The following NECAP2 variants were observed in gnomAD, a reference collection of about 807,000 sequenced individuals.
NECAP2 encodes the protein NECAP endocytosis associated 2, also known as adaptin ear-binding coat-associated protein 2.
In NECAP2, 38 loss-of-function variants were observed where a neutral mutation model predicts 37.8. The observed-to-expected ratio is 1.01, with a 90% CI of 0.78 to 1.32. The LOEUF is 1.32. Ranked by LOEUF, NECAP2 falls within the 40% of genes most tolerant of loss-of-function variation. The pLI, the probability that NECAP2 is intolerant of heterozygous loss-of-function variation, is 0.00. For missense variants in NECAP2, 316 were observed against 334.5 expected (o/e 0.94, Z 0.43); for synonymous variants, 121 against 127.7 (o/e 0.95, Z 0.35).
In NECAP2 at chr1:16,459,187, G is replaced by C. The variant is rs1320469724; in HGVS notation, c.*297G>C. On this transcript the variant is annotated 3_prime_UTR_variant, in exon 8 of 8. Coordinates refer to ENST00000337132, the MANE Select transcript of NECAP2 (RefSeq NM_018090.5). ...ACTCTGAGACTTCTTCCATCGCAAT[G>C]ACCTGTATTAAACACAAGCCCCCCA... is the stretch of plus-strand genomic sequence containing the variant. 9 of 545,618 alleles carry C rather than the reference G, an allele frequency of 1.6e-5. No individual in the cohort carries two copies. Among genetic ancestry groups the C allele is most frequent in the Non-Finnish European group, 2.9e-5 (9 of 314,050 alleles). 33.8% of individuals were successfully genotyped at this position (545,618 alleles called of 1,614,324 possible). A position where few individuals can be genotyped will look rare whatever the true frequency, so the allele number is the denominator to read the frequency against.
intron 7 of NECAP2, among the ~76,000 whole-genome samples, chr1:16,457,706 T>TG (rs1336250251): frequency 2.3e-4 from 33 of 142,738 alleles, no homozygotes; most frequent in African/African-American, 7.4e-4. Context: ...ATAGTAATTC[T>TG]GTTTTTTTTT....
intron 5 of NECAP2, 26 bp from the exon 6 acceptor site, chr1:16,451,812 G>A (rs370346062): frequency 1.2e-6 from 2 of 1,613,862 alleles, no homozygotes; most frequent in Middle Eastern, 1.7e-4. Flanking sequence ...AGAACGGGCT[G>A]ATTTGCATTC....
At chr1:16,449,433 C>T (rs1274099279) in intron 5 of NECAP2, 10 of 487,532 alleles carry the variant, frequency 2.1e-5, no homozygotes, top group Non-Finnish European at 3.6e-5. Context: ...AGGAAAGGTT[C>T]CATGACTAAG....
intron 4 of NECAP2, 193 bp downstream of exon 4, chr1:16,448,334 G>C: frequency 1.6e-6 from 1 of 626,480 alleles, no homozygotes; most frequent in Non-Finnish European, 2.8e-6. Flanking sequence ...TTTACCTGAG[G>C]CTCATCTCTA....
intron 1 of NECAP2, 49 bp downstream of exon 1, chr1:16,440,902 C>A: frequency 6.5e-7 from 1 of 1,527,032 alleles, no homozygotes; most frequent in Non-Finnish European, 9.1e-7. Flanking sequence ...ACCCTTTCTC[C>A]GCCACCCGGA....
At position 16,440,728 on chromosome 1, in the gene NECAP2, G is replaced by A. The variant is rs1477896740; in HGVS notation, c.-34G>A. On this transcript the variant is annotated 5_prime_UTR_variant, in exon 1 of 8. Coordinates refer to ENST00000337132, the MANE Select transcript of NECAP2 (RefSeq NM_018090.5). The stretch of plus-strand genomic sequence containing the variant: ...TCCGTCGGACAGAGGAACGGTGGAA[G>A]TCGCCGGAAGTTCGGTGGGCTCCAG... 2.5e-6 allele frequency: 4 copies of A among 1,591,602 alleles called. No homozygotes were observed. The Admixed American group carries it at 6.7e-5, about 27-fold the overall frequency.
Position 16,452,119 on chromosome 1 carries a change from A to C in NECAP2, c.667+104A>C, listed in dbSNP as rs764662812. ...CCCCCGTTACACACATGGATTGGTC[A>C]TGTAGTACCTGTCCGTGTCAAAGAA... On this transcript the variant is annotated intron_variant, in intron 6 of 7. Transcript: ENST00000337132. 107 of 1,157,810 alleles carry C rather than the reference A, an allele frequency of 9.2e-5. 1 individual carries two copies. The highest frequency in any genetic ancestry group is 2.0e-5 in the Non-Finnish European group (16 of 818,864). 71.7% of individuals were successfully genotyped at this position (1,157,810 alleles called of 1,614,324 possible).
intron 6 of NECAP2, among the ~76,000 whole-genome samples, chr1:16,453,212 T>C (rs186370744): frequency 1.1e-4 from 16 of 151,666 alleles, no homozygotes; most frequent in Non-Finnish European, 2.1e-4. Context: ...TGGGTTCAAG[T>C]GATTCTCCTG....
intron 1 of NECAP2, chr1:16,441,444 C>G (rs1161892687): frequency 6.6e-6 from 1 of 152,496 alleles, no homozygotes; most frequent in Admixed American, 6.5e-5. Flanking sequence ...CGCTTGTAAA[C>G]ATACTGAGTA....
At chr1:16,443,391 T>C (rs1013736091) in intron 1 of NECAP2, among the ~76,000 whole-genome samples, 2 of 152,218 alleles carry the variant, frequency 1.3e-5, no homozygotes, top group Non-Finnish European at 2.9e-5. Context: ...CAGTAGAAAA[T>C]AGTTAAGATA....
chr1:16,443,580 G>A (rs2086719332), intron 1 of NECAP2, 52 bp from the exon 2 acceptor site: 3 of 1,369,268 alleles, frequency 2.2e-6, no homozygotes, highest in Non-Finnish European at 3.1e-6. Flanking sequence ...CCAGCATTGG[G>A]GTCACACAGC....
At position 16,459,107 on chromosome 1, in the gene NECAP2, G is replaced by A; in HGVS notation, c.*217G>A. On this transcript the variant is annotated 3_prime_UTR_variant, in exon 8 of 8. Coordinates refer to ENST00000337132, the MANE Select transcript of NECAP2 (RefSeq NM_018090.5). ...GATTCAAGTATGCAACCAGAACACA[G>A]GAGAAGAAAAGCTCCAGGATCCCTG... 9.0e-7 allele frequency: 1 copy of A among 1,106,496 alleles called. No homozygotes were observed. The highest frequency in any genetic ancestry group is 1.7e-5 in the South Asian group (1 of 60,048). 68.5% of individuals were successfully genotyped at this position (1,106,496 alleles called of 1,614,324 possible). A position where few individuals can be genotyped will look rare whatever the true frequency, so the allele number is the denominator to read the frequency against.
intron 6 of NECAP2, among the ~76,000 whole-genome samples, chr1:16,453,902 T>C (rs1053806552): frequency 6.6e-6 from 1 of 152,166 alleles, no homozygotes; most frequent in Non-Finnish European, 1.5e-5. Context: ...AAGGGCTTGT[T>C]TTCTGGTGTC....
chr1:16,453,458 C>T (rs958479383), intron 6 of NECAP2, among the ~76,000 whole-genome samples: 5 of 151,988 alleles, frequency 3.3e-5, no homozygotes, highest in Admixed American at 2.0e-4. Flanking sequence ...GAGCTACTAC[C>T]TTAGGCCTTC....
rs199627365 is a variant in NECAP2, at chr1:16,440,781, A to C, written c.20A>C (p.Glu7Ala). ...GTCGCGATGGAGGAGAGCGGGTACG[A>C]GTCGGTGCTCTGTGTCAAGCCTGAC... MEESGY[E>A]SVLCVKPDVH... Residue 7 changes from glutamate (E) to alanine (A), a missense_variant, in exon 1 of 8, where the codon GAG becomes GCG. This residue lies in a region of NECAP2 where 31 missense variants were observed against 21.7 expected (regional missense o/e 1.43). Transcript: ENST00000337132. The C allele has an allele frequency of 1.2e-6, 2 of 1,614,140 alleles. No homozygotes were observed. The highest frequency in any genetic ancestry group is 2.2e-5 in the East Asian group (1 of 44,872).
intron 2 of NECAP2, among the ~76,000 whole-genome samples, chr1:16,445,435 C>T (rs539974821): frequency 2.0e-5 from 3 of 152,326 alleles, no homozygotes; most frequent in African/African-American, 4.8e-5. Flanking sequence ...TCAAAATTAT[C>T]TCTAGACATT....
Position 16,443,720 on chromosome 1 carries a change from G to A in NECAP2, c.181G>A (p.Asp61Asn). 1 of 1,612,604 alleles carries A rather than the reference G, an allele frequency of 6.2e-7. No individual in the cohort carries two copies. The highest frequency in any genetic ancestry group is 8.5e-7 in the Non-Finnish European group (1 of 1,179,606). ...ACAGATGGCCTACATCAAGCTGGAGGACAGGACGTCAGGTAACCGGAAGGG... is the reference window on the plus strand; with the variant it reads ...ACAGATGGCCTACATCAAGCTGGAGAACAGGACGTCAGGTAACCGGAAGGG... ...KGQMAYIKLE[D>N]RTSGELFAQA... is the part of the protein sequence containing the mutation. The change falls in exon 2 of 8, where the codon GAC (aspartate) becomes AAC (asparagine). Residue 61 changes from aspartate (D) to asparagine (N), a missense_variant. Physicochemically the swap from Asp to Asn is conservative, Grantham distance 23 (BLOSUM62 1). Coordinates refer to ENST00000337132, the MANE Select transcript of NECAP2 (RefSeq NM_018090.5).
intron 7 of NECAP2, among the ~76,000 whole-genome samples, chr1:16,458,392 A>C (rs2086959773): frequency 6.6e-6 from 1 of 152,110 alleles, no homozygotes. Context: ...ACTTGAGGCC[A>C]GGAGTTCGAG....
At chr1:16,450,628 A>G (rs1317919134) in intron 5 of NECAP2, 2 of 153,174 alleles carry the variant, frequency 1.3e-5, no homozygotes, top group Non-Finnish European at 2.9e-5. Flanking sequence ...CAAATCATAA[A>G]TGCAGAACTC....
Sources: allele counts gnomAD v4.1 joint callset (sites outside exome capture counted in the v4.1 genomes callset), GRCh38; gene constraint gnomAD v4.1.1; regional missense constraint gnomAD v4.1.1; transcripts MANE v1.5; gene names NCBI Gene and HGNC (gene_info 2026-07-23, HGNC 2026-07-21).